The following PDGFRL variants were observed in gnomAD, a reference collection of about 807,000 sequenced individuals.
PDGFRL encodes the protein platelet derived growth factor receptor like, also known as platelet-derived growth factor receptor-like protein.
In PDGFRL, 46 loss-of-function variants were observed where a neutral mutation model predicts 37.2. That is an observed-to-expected ratio of 1.24 (90% CI 0.98 to 1.58). PDGFRL has a LOEUF of 1.58. Ranked by LOEUF, PDGFRL falls within the 40% of genes most tolerant of loss-of-function variation. The pLI, the probability that PDGFRL is intolerant of heterozygous loss-of-function variation, is 0.00. For synonymous variants in PDGFRL, 251 were observed against 184.3 expected, an observed-to-expected ratio of 1.36 and a Z score of -2.93; for missense variants, 692 against 467.6, an observed-to-expected ratio of 1.48 and a Z score of -4.43.
intron 3 of PDGFRL, among the ~76,000 whole-genome samples, chr8:17,627,505 T>C (rs1275075367): frequency 6.6e-6 from 1 of 151,574 alleles, no homozygotes; most frequent in Non-Finnish European, 1.5e-5. Context: ...CTTGCTCTGT[T>C]GCCCAGGCTG....
intron 1 of PDGFRL, among the ~76,000 whole-genome samples, chr8:17,579,673 C>T (rs10099552): frequency 0.27 from 40,678 of 151,584 alleles, 5,675 homozygotes; most frequent in Middle Eastern, 0.39. Context: ...GCCACCACAA[C>T]TAGCCAAAGA....
At chr8:17,578,781 T>G (rs771873899) in intron 1 of PDGFRL, among the ~76,000 whole-genome samples, 9 of 152,238 alleles carry the variant, frequency 5.9e-5, no homozygotes, top group Non-Finnish European at 1.2e-4. Flanking sequence ...TACCCTTTCT[T>G]TAAGTGTAAT....
At position 17,596,124 on chromosome 8, in the gene PDGFRL, C is replaced by CCTTGCTGGGTACA. The variant is rs1804047371; in HGVS notation, c.353+6368_353+6369insTACACTTGCTGGG. 1.2e-4 allele frequency among the ~76,000 whole-genome samples: 19 copies of CCTTGCTGGGTACA among 152,320 alleles called. No homozygotes were observed. The South Asian group carries it at 3.9e-3, about 32-fold the overall frequency. ...CCCCAGAGTTACCCTTGCTGGGTAC[C>CCTTGCTGGGTACA]CTTGCTGGGGGACCTGGGCCATCCC... On this transcript the variant is annotated intron_variant, in intron 2 of 5. Coordinates refer to ENST00000251630, the MANE Select transcript of PDGFRL (RefSeq NM_001372073.1).
Position 17,642,794 on chromosome 8 carries a change from T to G in PDGFRL, c.1121T>G (p.Phe374Cys), listed in dbSNP as rs756919852. Reference protein sequence around the residue: ...GQTTVATTVEFS With the variant: ...GQTTVATTVECS ...ACCACAGTAGCTACCACTGTTGAGT[T>G]TTCCTGACTTGGAAAAGGAAATGTA... Residue 374 changes from phenylalanine (F) to cysteine (C), a missense_variant, in exon 6 of 6, where the codon TTT becomes TGT. Physicochemically the swap from Phe to Cys is radical, Grantham distance 205. Coordinates refer to ENST00000251630, the MANE Select transcript of PDGFRL (RefSeq NM_001372073.1). 6.9e-5 allele frequency: 110 copies of G among 1,597,632 alleles called. No homozygotes were observed. Among genetic ancestry groups the G allele is most frequent in the Non-Finnish European group, 8.7e-5 (102 of 1,166,420 alleles).
intron 1 of PDGFRL, among the ~76,000 whole-genome samples, chr8:17,578,050 C>T (rs534095478): frequency 2.6e-3 from 106 of 41,112 alleles, no homozygotes; most frequent in African/African-American, 4.1e-3. Flanking sequence ...TGTTATTTTT[C>T]TGTGTGTCTG....
intron 1 of PDGFRL, among the ~76,000 whole-genome samples, chr8:17,582,624 C>G (rs1387337735): frequency 1.3e-5 from 2 of 149,874 alleles, no homozygotes; most frequent in African/African-American, 4.9e-5. Flanking sequence ...TCAATTACAG[C>G]AGCAAAGGAA....
At chr8:17,623,324 C>G (rs1319679444) in intron 3 of PDGFRL, among the ~76,000 whole-genome samples, 1 of 152,204 alleles carries the variant, frequency 6.6e-6, no homozygotes, top group Non-Finnish European at 1.5e-5. Flanking sequence ...CATAGGCAAT[C>G]TCTTTGGATC....
At chr8:17,577,587 G>T (rs1803614014) in intron 1 of PDGFRL, among the ~76,000 whole-genome samples, 3 of 151,712 alleles carry the variant, frequency 2.0e-5, no homozygotes. Context: ...GGCGAACCAA[G>T]CATCCCCAGC....
chr8:17,642,788 T>G lies in PDGFRL; in HGVS notation c.1115T>G (p.Val372Gly). Reference sequence around the variant, plus strand: ...GGACAGACCACAGTAGCTACCACTGTTGAGTTTTCCTGACTTGGAAAAGGA... The same window carrying G: ...GGACAGACCACAGTAGCTACCACTGGTGAGTTTTCCTGACTTGGAAAAGGA... ...LQGQTTVATT[V>G]EFS The change falls in exon 6 of 6, where the codon GTT becomes GGT. Residue 372 changes from valine to glycine, a missense_variant. Transcript: ENST00000251630. 1 of 1,602,640 alleles carries G rather than the reference T, an allele frequency of 6.2e-7. No homozygotes were observed. The highest frequency in any genetic ancestry group is 8.5e-7 in the Non-Finnish European group (1 of 1,170,710).
chr8:17,610,869 C>A (rs940194702), intron 2 of PDGFRL, among the ~76,000 whole-genome samples: 3 of 152,178 alleles, frequency 2.0e-5, no homozygotes, highest in African/African-American at 4.8e-5. Flanking sequence ...CGAGATCACA[C>A]CACTGCACTC....
chr8:17,591,173 C>T (rs553079883), intron 2 of PDGFRL, among the ~76,000 whole-genome samples: 9 of 152,230 alleles, frequency 5.9e-5, no homozygotes, highest in African/African-American at 1.2e-4. Flanking sequence ...TGAGCCACCG[C>T]GCCTGGCTGC....
At chr8:17,642,563 T>C (rs763084295) in intron 5 of PDGFRL, 50 bp from the exon 6 acceptor site, 1 of 1,145,424 alleles carries the variant, frequency 8.7e-7, no homozygotes, top group South Asian at 1.2e-5. Context: ...GGGAGCTCTT[T>C]ATAGCAGCTT....
chr8:17,605,206 G>A (rs764834256), intron 2 of PDGFRL, among the ~76,000 whole-genome samples: 2 of 152,190 alleles, frequency 1.3e-5, no homozygotes, highest in South Asian at 2.1e-4. Context: ...AATATAAACC[G>A]CATTGTGAGG....
intron 3 of PDGFRL, among the ~76,000 whole-genome samples, chr8:17,623,173 A>G (rs1218439950): frequency 6.6e-6 from 1 of 152,216 alleles, no homozygotes; most frequent in Non-Finnish European, 1.5e-5. Context: ...TGGCACAATA[A>G]GGAGCCAAAC....
chr8:17,638,284 C>G (rs753234638), intron 5 of PDGFRL, among the ~76,000 whole-genome samples: 1 of 152,054 alleles, frequency 6.6e-6, no homozygotes, highest in Non-Finnish European at 1.5e-5. Context: ...TAACTTCCAT[C>G]GTGATTTCAT....
At chr8:17,618,049 T>C (rs975432628) in intron 2 of PDGFRL, among the ~76,000 whole-genome samples, 1 of 152,012 alleles carries the variant, frequency 6.6e-6, no homozygotes, top group Non-Finnish European at 1.5e-5. Context: ...CTAGCATTGA[T>C]CTTTCCATTT....
At chr8:17,615,594 C>G (rs1554552781) in intron 2 of PDGFRL, among the ~76,000 whole-genome samples, 1 of 152,108 alleles carries the variant, frequency 6.6e-6, no homozygotes, top group Non-Finnish European at 1.5e-5. Context: ...CTGTGAGAAC[C>G]AGGGGGACCA....
Position 17,628,696 on chromosome 8 carries a change from G to C in PDGFRL, c.715G>C (p.Glu239Gln). Residue 239 changes from glutamate to glutamine, a missense_variant, in exon 4 of 6, where the codon GAG (glutamate) becomes CAG (glutamine). Coordinates refer to ENST00000251630, the MANE Select transcript of PDGFRL (RefSeq NM_001372073.1). ...RGFVYLQPHS[E>Q]HQGVVYCRAE... is the part of the protein sequence containing the mutation. ...CTTTGTGTATCTGCAACCTCATTCC[G>C]AGCACCAGGGTGTGGTTTACTGCAG... The C allele has an allele frequency of 6.2e-7, 1 of 1,613,984 alleles. No homozygotes were observed. Among genetic ancestry groups the C allele is most frequent in the Non-Finnish European group, 8.5e-7 (1 of 1,179,860 alleles).
chr8:17,599,263 T>A (rs757733453), intron 2 of PDGFRL, among the ~76,000 whole-genome samples: 32 of 152,166 alleles, frequency 2.1e-4, no homozygotes, highest in South Asian at 4.1e-4. Flanking sequence ...CTGCACCATA[T>A]TTGCATATTT....
Sources: gnomAD v4.1 joint callset for allele counts (sites outside exome capture counted in the v4.1 genomes callset) on GRCh38, gnomAD v4.1.1 for gene constraint, MANE v1.5 for transcripts, NCBI Gene and HGNC (gene_info 2026-07-23, HGNC 2026-07-21) for gene names.